The following CSMD1 variants were observed in gnomAD, a reference collection of about 807,000 sequenced individuals.
CSMD1 encodes CUB and sushi domain-containing protein 1.
A neutral mutation model predicts 417.5 loss-of-function variants in CSMD1; 213 were observed. The ratio of observed to expected loss-of-function variants is 0.51; its 90% CI spans 0.46 to 0.57. The LOEUF is 0.57. Among genes scored for constraint, CSMD1 ranks in the 20% least tolerant of loss-of-function variants. The pLI is 0.00. For synonymous variants in CSMD1, 2,862 were observed against 1,736.8 expected (o/e 1.65, Z -16.11); for missense variants, 6,923 against 4,529.7 (o/e 1.53, Z -15.17).
intron 11 of CSMD1, among the ~76,000 whole-genome samples, chr8:3,487,212 T>TATTG (rs1468155153): frequency 2.6e-5 from 4 of 152,186 alleles, no homozygotes; most frequent in Non-Finnish European, 4.4e-5. Flanking sequence ...TTTATTTATT[T>TATTG]AGTTTTTGAG....
intron 10 of CSMD1, among the ~76,000 whole-genome samples, chr8:3,535,498 G>C (rs1798158323): frequency 6.6e-6 from 1 of 152,106 alleles, no homozygotes; most frequent in Non-Finnish European, 1.5e-5. Flanking sequence ...AAATATGTAT[G>C]CACATGGACA....
At chr8:3,608,499 C>G (rs1801729362) in intron 8 of CSMD1, among the ~76,000 whole-genome samples, 1 of 152,082 alleles carries the variant, frequency 6.6e-6, no homozygotes. Flanking sequence ...CGCTGTGGCT[C>G]ACGCCTGTAA....
At chr8:3,622,134 C>G (rs982772990) in intron 7 of CSMD1, among the ~76,000 whole-genome samples, 4 of 152,120 alleles carry the variant, frequency 2.6e-5, no homozygotes, top group African/African-American at 9.7e-5. Flanking sequence ...AAGCAGTGGT[C>G]TACTACTAGC....
chr8:3,140,343 CTCTCTG>C (rs957830065), intron 41 of CSMD1, among the ~76,000 whole-genome samples: 10 of 111,036 alleles, frequency 9.0e-5, no homozygotes, highest in Non-Finnish European at 1.5e-4. Context: ...CTCTCTCTCT[CTCTCTG>C]TCTCTCTCTC....
intron 15 of CSMD1, among the ~76,000 whole-genome samples, chr8:3,405,404 A>T (rs368114393): frequency 6.6e-6 from 1 of 152,184 alleles, no homozygotes; most frequent in Non-Finnish European, 1.5e-5. Flanking sequence ...CCAGAACAGA[A>T]ATATGAAGAA....
chr8:3,505,202 G>C (rs1796773645), intron 10 of CSMD1, among the ~76,000 whole-genome samples: 1 of 152,104 alleles, frequency 6.6e-6, no homozygotes, highest in Non-Finnish European at 1.5e-5. Context: ...GACTGGGAAT[G>C]TAAAAGTCGC....
At chr8:3,592,788 T>C (rs77976738) in intron 8 of CSMD1, among the ~76,000 whole-genome samples, 3,098 of 152,224 alleles carry the variant, frequency 0.02, 105 homozygotes, top group African/African-American at 0.07. Context: ...ACAGCACACG[T>C]TAAAAGTTAC....
Position 4,967,342 on chromosome 8 carries a change from A to C in CSMD1, c.85+26990T>G, listed in dbSNP as rs374768075. 5.9e-5 allele frequency among the ~76,000 whole-genome samples: 9 copies of C among 152,258 alleles called. No homozygotes were observed. The East Asian group carries it at 1.5e-3, about 26-fold the overall frequency. On this transcript the variant is annotated intron_variant, in intron 1 of 69. Transcript: ENST00000635120. ...TGAACAATTAGTTTTAAGATATCCAAGTCTTCTGAAGAAAAAAACAATAAT... is the reference window on the plus strand; with the variant it reads ...TGAACAATTAGTTTTAAGATATCCACGTCTTCTGAAGAAAAAAACAATAAT...
chr8:4,126,875 G>C (rs1802794102), intron 3 of CSMD1, among the ~76,000 whole-genome samples: 1 of 152,136 alleles, frequency 6.6e-6, no homozygotes, highest in African/African-American at 2.4e-5. Context: ...CAGGACCACA[G>C]CATCTGTCTC....
At chr8:3,815,504 A>T (rs4532615) in intron 5 of CSMD1, among the ~76,000 whole-genome samples, 118,075 of 152,026 alleles carry the variant, frequency 0.78, 45,955 homozygotes, top group Middle Eastern at 0.83. Flanking sequence ...AATATGTGTA[A>T]GACTATGTTT....
rs574257644 is a variant in CSMD1, at chr8:3,254,701, A to T, written c.4154-24470T>A. ...TTGTGCATTTGTCACTTAGTTCTCG[A>T]GCCTTGGTTTTCAGCTCCGTCAGGT... On this transcript the variant is annotated intron_variant, in intron 26 of 69. Coordinates refer to ENST00000635120, the MANE Select transcript of CSMD1 (RefSeq NM_033225.6). Among the ~76,000 whole-genome samples the T allele has an allele frequency of 3.0e-3, 454 of 152,172 alleles. 2 individuals carry two copies. Among genetic ancestry groups the T allele is most frequent in the African/African-American group, 0.01 (422 of 41,486 alleles).
At chr8:2,944,888 A>G (rs970099389) in intron 68 of CSMD1, among the ~76,000 whole-genome samples, 2 of 152,132 alleles carry the variant, frequency 1.3e-5, no homozygotes, top group African/African-American at 4.8e-5. Context: ...TTTTATCCAT[A>G]ATAGATAACA....
intron 3 of CSMD1, among the ~76,000 whole-genome samples, chr8:4,293,644 C>T (rs1356486609): frequency 6.6e-6 from 1 of 152,142 alleles, no homozygotes; most frequent in Non-Finnish European, 1.5e-5. Context: ...TAAGACACAG[C>T]AGTCTCTTAT....
At chr8:3,804,120 C>A (rs902509055) in intron 5 of CSMD1, among the ~76,000 whole-genome samples, 8 of 151,894 alleles carry the variant, frequency 5.3e-5, no homozygotes, top group African/African-American at 1.9e-4. Flanking sequence ...TTAGTAGAGA[C>A]AGGGTTTCAC....
chr8:4,856,490 C>G (rs200137355), intron 1 of CSMD1, among the ~76,000 whole-genome samples: 1,774 of 117,376 alleles, frequency 0.015, 46 homozygotes, highest in Middle Eastern at 0.06. Context: ...AAATAGTCAA[C>G]ACCCATCAGT....
At chr8:4,464,361 AAG>A (rs1369364753) in intron 2 of CSMD1, among the ~76,000 whole-genome samples, 1 of 152,206 alleles carries the variant, frequency 6.6e-6, no homozygotes, top group African/African-American at 2.4e-5. Flanking sequence ...GTAAGCTGAA[AAG>A]AGTGATGAAA....
intron 1 of CSMD1, among the ~76,000 whole-genome samples, chr8:4,709,198 G>C (rs903091113): frequency 5.3e-5 from 8 of 152,180 alleles, no homozygotes; most frequent in Non-Finnish European, 8.8e-5. Context: ...AATCGAGAGA[G>C]AGGAATTCCT....
intron 29 of CSMD1, among the ~76,000 whole-genome samples, chr8:3,217,539 G>A (rs529915842): frequency 1.3e-5 from 2 of 152,052 alleles, no homozygotes; most frequent in Admixed American, 6.6e-5. Flanking sequence ...TTTTGTTGGG[G>A]GCGTGGGGGG....
intron 5 of CSMD1, among the ~76,000 whole-genome samples, chr8:3,948,380 G>A (rs1403924640): frequency 6.6e-6 from 1 of 152,170 alleles, no homozygotes; most frequent in Non-Finnish European, 1.5e-5. Context: ...TGGAAGCACT[G>A]ATGCATACAG....
Sources: gnomAD v4.1 joint callset for allele counts (sites outside exome capture counted in the v4.1 genomes callset) on GRCh38, gnomAD v4.1.1 for gene constraint, MANE v1.5 for transcripts, NCBI Gene and HGNC (gene_info 2026-07-23, HGNC 2026-07-21) for gene names.